The following MPDZ variants were observed in gnomAD, a reference collection of about 807,000 sequenced individuals.
The protein encoded by MPDZ is multiple PDZ domain crumbs cell polarity complex component, also known as multiple PDZ domain protein.
A neutral mutation model predicts 239.1 loss-of-function variants in MPDZ; 234 were observed. The ratio of observed to expected loss-of-function variants is 0.98; its 90% confidence interval spans 0.88 to 1.09. MPDZ has a LOEUF of 1.09. MPDZ is among the 50% of genes least tolerant of loss of function. MPDZ has a pLI of 0.00. For synonymous variants in MPDZ, 1,048 were observed against 881.3 expected, an observed-to-expected ratio of 1.19 and a Z score of -3.35; for missense variants, 3,175 against 2,510.0, an observed-to-expected ratio of 1.26 and a Z score of -5.66.
At position 13,126,603 on chromosome 9, in the gene MPDZ, G is replaced by A. The variant is rs544082379; in HGVS notation, c.4558-13C>T. 16 of 1,608,724 alleles carry A rather than the reference G, an allele frequency of 9.9e-6. No homozygotes were observed. The highest frequency in any genetic ancestry group is 6.7e-5 in the African/African-American group (5 of 74,938). ...TGAGTCGTCCATCCTAAATGGAAAC[G>A]TAGAAGAATTTGAGTGATATTCCAA... is the stretch of plus-strand genomic sequence containing the variant. On this transcript the variant is annotated splice_polypyrimidine_tract_variant and intron_variant, in intron 33 of 46. Coordinates refer to ENST00000319217, the MANE Select transcript of MPDZ (RefSeq NM_001378778.1).
rs10960959 is a variant in MPDZ at position 13,165,219 on chromosome 9, C to T, written c.3255-2424G>A. On this transcript the variant is annotated intron_variant, in intron 22 of 46. Coordinates refer to ENST00000319217, the MANE Select transcript of MPDZ (RefSeq NM_001378778.1). Reference sequence around the variant, plus strand: ...AGCTCTGTTGGATTTTATGTTCTTACTTAAACAAAGAAAACAATCTAAAAT... The same window carrying T: ...AGCTCTGTTGGATTTTATGTTCTTATTTAAACAAAGAAAACAATCTAAAAT... 0.62 allele frequency: 479,393 copies of T among 773,112 alleles called. 155,313 individuals carry two copies. Among genetic ancestry groups the T allele is most frequent in the Non-Finnish European group, 0.67 (339,692 of 507,420 alleles). The allele number at this position is 773,112 out of a possible 1,614,324, so 47.9% of individuals were successfully genotyped here.
At chr9:13,275,943 T>G (rs1974084705) in intron 1 of MPDZ, among the ~76,000 whole-genome samples, 1 of 152,130 alleles carries the variant, frequency 6.6e-6, no homozygotes, top group South Asian at 2.1e-4. Context: ...AAAACTTTCA[T>G]TTCCACCCTC....
intron 3 of MPDZ, among the ~76,000 whole-genome samples, chr9:13,243,702 C>T (rs938493140): frequency 9.9e-5 from 15 of 152,192 alleles, no homozygotes; most frequent in African/African-American, 3.6e-4. Context: ...AGCATCTCTA[C>T]AGTTATTTCA....
At chr9:13,259,193 C>A (rs770346691) in intron 1 of MPDZ, among the ~76,000 whole-genome samples, 16 of 152,246 alleles carry the variant, frequency 1.1e-4, no homozygotes, top group Admixed American at 5.9e-4. Context: ...GCTGCCTAAT[C>A]CAGCCTCCGC....
chr9:13,147,332 G>A (rs375506751), intron 26 of MPDZ, among the ~76,000 whole-genome samples: 2 of 152,092 alleles, frequency 1.3e-5, no homozygotes, highest in African/African-American at 2.4e-5. Context: ...CTACTTCTGT[G>A]TATATTCAAC....
intron 27 of MPDZ, chr9:13,140,905 G>C (rs1407315808): frequency 1.3e-5 from 2 of 151,996 alleles, no homozygotes; most frequent in Non-Finnish European, 2.9e-5. Flanking sequence ...ACACATGCAG[G>C]CTTGTCTACC....
chr9:13,260,700 C>T (rs1970492095), intron 1 of MPDZ, among the ~76,000 whole-genome samples: 1 of 152,154 alleles, frequency 6.6e-6, no homozygotes, highest in Admixed American at 6.5e-5. Context: ...ATCTGTCTCA[C>T]TGTCTATGTG....
At chr9:13,220,322 G>A (rs944797879) in intron 7 of MPDZ, among the ~76,000 whole-genome samples, 2 of 151,750 alleles carry the variant, frequency 1.3e-5, no homozygotes, top group Non-Finnish European at 2.9e-5. Flanking sequence ...CCATACACAT[G>A]CAGTCCATTA....
At chr9:13,255,037 C>A (rs959883990) in intron 1 of MPDZ, among the ~76,000 whole-genome samples, 4 of 152,196 alleles carry the variant, frequency 2.6e-5, no homozygotes, top group Non-Finnish European at 5.9e-5. Flanking sequence ...TAGAACCTCT[C>A]AAATCCTGCT....
At chr9:13,260,417 T>G (rs1322137201) in intron 1 of MPDZ, among the ~76,000 whole-genome samples, 1 of 152,182 alleles carries the variant, frequency 6.6e-6, no homozygotes, top group African/African-American at 2.4e-5. Context: ...CTTTGGTTAC[T>G]GATGGATGGT....
chr9:13,141,362 CTT>C (rs1393154721), intron 27 of MPDZ, among the ~76,000 whole-genome samples: 2 of 152,168 alleles, frequency 1.3e-5, no homozygotes, highest in South Asian at 2.1e-4. Flanking sequence ...TTGCTTAACT[CTT>C]AATCCAGTGC....
intron 24 of MPDZ, 115 bp from the exon 25 acceptor site, chr9:13,150,803 GA>G (rs776051735): frequency 6.1e-5 from 37 of 605,970 alleles, no homozygotes; most frequent in Non-Finnish European, 8.8e-5. Flanking sequence ...GAGAACAAAA[GA>G]AAAAATAGAT....
intron 1 of MPDZ, among the ~76,000 whole-genome samples, chr9:13,274,890 G>A (rs568849828): frequency 7.3e-5 from 11 of 151,690 alleles, no homozygotes; most frequent in Admixed American, 5.3e-4. Flanking sequence ...ACCATTAAAA[G>A]AAATATTTTA....
rs979635762 is a variant in MPDZ at position 13,188,842 on chromosome 9, T to C, written c.2306A>G (p.Glu769Gly). Reference sequence around the variant, plus strand: ...CCCTGACGGTGCTCCCTTCAGTGCTTCTACAGCTTCCTCAAGACTGCTGTT... The same window carrying C: ...CCCTGACGGTGCTCCCTTCAGTGCTCCTACAGCTTCCTCAAGACTGCTGTT... ...LENSSLEEAV[E>G]ALKGAPSGTV... Residue 769 changes from glutamate to glycine, a missense_variant, in exon 17 of 47, where the codon GAA (glutamate) becomes GGA (glycine). By Grantham distance (98) the Glu-to-Gly change is moderately conservative. Coordinates refer to ENST00000319217, the MANE Select transcript of MPDZ (RefSeq NM_001378778.1). 6.2e-7 allele frequency: 1 copy of C among 1,613,614 alleles called. No homozygotes were observed. Among genetic ancestry groups the C allele is most frequent in the South Asian group, 1.1e-5 (1 of 91,076 alleles).
rs1359311494 is a variant in MPDZ at position 13,105,832 on chromosome 9, C to G, written c.*1133G>C. 6.6e-6 allele frequency: 1 copy of G among 152,140 alleles called. No individual in the cohort carries two copies. Among genetic ancestry groups the G allele is most frequent in the East Asian group, 1.9e-4 (1 of 5,198 alleles). 9.4% of individuals were successfully genotyped at this position (152,140 alleles called of 1,614,324 possible). A position where few individuals can be genotyped will look rare whatever the true frequency, so the allele number is the denominator to read the frequency against. On this transcript the variant is annotated 3_prime_UTR_variant, in exon 47 of 47. Coordinates refer to ENST00000319217, the MANE Select transcript of MPDZ (RefSeq NM_001378778.1). Reference sequence around the variant, plus strand: ...GATATTTAAAGTGACTTTATATATTCTAATGTAGGAGTTTCACGCTCTAAA... The same window carrying G: ...GATATTTAAAGTGACTTTATATATTGTAATGTAGGAGTTTCACGCTCTAAA...
intron 26 of MPDZ, among the ~76,000 whole-genome samples, chr9:13,147,038 G>A (rs1948524122): frequency 6.6e-6 from 1 of 151,998 alleles, no homozygotes; most frequent in Non-Finnish European, 1.5e-5. Flanking sequence ...GAAATCACTT[G>A]TAAACAAACC....
intron 5 of MPDZ, 93 bp from the exon 6 acceptor site, chr9:13,222,539 C>A: frequency 3.0e-6 from 3 of 1,016,858 alleles, no homozygotes; most frequent in Non-Finnish European, 4.5e-6. Context: ...CATTTTTAAT[C>A]CTATTTTTAA....
At chr9:13,214,088 G>A (rs1378943820) in intron 10 of MPDZ, among the ~76,000 whole-genome samples, 1 of 151,896 alleles carries the variant, frequency 6.6e-6, no homozygotes, top group Admixed American at 6.6e-5. Flanking sequence ...CAAGAAAAAT[G>A]AAAACATATA....
chr9:13,109,977 T>C lies in MPDZ; in HGVS notation c.5917A>G (p.Ser1973Gly), dbSNP rs970125623. The C allele has an allele frequency of 6.2e-7, 1 of 1,613,186 alleles. No homozygotes were observed. The highest frequency in any genetic ancestry group is 8.5e-7 in the Non-Finnish European group (1 of 1,179,658). The change falls in exon 45 of 47, where the codon AGC becomes GGC. Residue 1973 changes from serine to glycine, a missense_variant. Transcript: ENST00000319217. ...CCTAAATCATCCTGAAATATACTGC[T>C]TGACGTCAGCCCAGTGAAAGAAAGA... is the stretch of plus-strand genomic sequence containing the variant. Reference protein sequence around the residue: ...SSLSFTGLTSSSIFQDDLGPP... With the variant: ...SSLSFTGLTSGSIFQDDLGPP...
Sources: allele counts gnomAD v4.1 joint callset (sites outside exome capture counted in the v4.1 genomes callset), GRCh38; gene constraint gnomAD v4.1.1; transcripts MANE v1.5; gene names NCBI Gene and HGNC (gene_info 2026-07-23, HGNC 2026-07-21).